NCOA3: variants seen among roughly 807,000 people sequenced by gnomAD.
The protein encoded by NCOA3 is nuclear receptor coactivator 3.
A neutral mutation model predicts 158.8 loss-of-function variants in NCOA3; 51 were observed. The observed-to-expected ratio is 0.32, with a 90% CI of 0.26 to 0.41. The LOEUF is 0.41. Ranked by LOEUF, NCOA3 falls within the 10% of genes least tolerant of loss-of-function variation. The pLI is 1.00. For synonymous variants in NCOA3, 537 were observed against 592.4 expected (o/e 0.91, Z 1.36); for missense variants, 1,510 against 1,746.6 (o/e 0.86, Z 2.41).
intron 1 of NCOA3, among the ~76,000 whole-genome samples, chr20:47,559,632 G>A (rs2085066975): frequency 6.6e-6 from 1 of 151,766 alleles, no homozygotes; most frequent in East Asian, 2.0e-4. Context: ...TGTAATCCCA[G>A]CACTTTGGGA....
At chr20:47,625,613 C>T (rs2086309496) in intron 5 of NCOA3, 132 bp downstream of exon 5, 1 of 660,414 alleles carries the variant, frequency 1.5e-6, no homozygotes, top group African/African-American at 1.8e-5. Context: ...TGAGACAGTT[C>T]AGTATTCTGA....
In NCOA3 at chr20:47,635,915, C is replaced by G; in HGVS notation, c.1529C>G (p.Ser510Cys). The G allele has an allele frequency of 1.2e-6, 2 of 1,613,618 alleles. No individual in the cohort carries two copies. Among genetic ancestry groups the G allele is most frequent in the Non-Finnish European group, 1.7e-6 (2 of 1,179,764 alleles). ...VAGVHSPMAS[S>C]GNTGNHSFSS... ...GGTGTGCACTCTCCCATGGCATCTT[C>G]TGGCAATACTGGGAACCACAGCTTT... Residue 510 changes from serine to cysteine, a missense_variant, in exon 12 of 23, where the codon TCT becomes TGT. Physicochemically the swap from Ser to Cys is moderately radical, Grantham distance 112. Coordinates refer to ENST00000371998, the MANE Select transcript of NCOA3 (RefSeq NM_181659.3).
rs770024913 is a variant in NCOA3, at chr20:47,637,675, G to T, written c.2404G>T (p.Ala802Ser). 1.2e-6 allele frequency: 2 copies of T among 1,608,808 alleles called. No homozygotes were observed. Among genetic ancestry groups the T allele is most frequent in the East Asian group, 4.5e-5 (2 of 44,674 alleles). Residue 802 changes from alanine (A) to serine (S), a missense_variant, in exon 13 of 23, where the codon GCT (alanine) becomes TCT (serine). By Grantham distance (99) the Ala-to-Ser change is moderately conservative (BLOSUM62 1). Around this residue, in one of 4 missense-constraint regions of NCOA3, gnomAD observed 1,017 missense variants for 1,098.3 expected, o/e 0.93. Coordinates refer to ENST00000371998, the MANE Select transcript of NCOA3 (RefSeq NM_181659.3). ...EGSGDLDNLDAILGDLTSSDF... is the reference protein window; with the variant it reads ...EGSGDLDNLDSILGDLTSSDF... ...ATCTGGAGACTTGGATAATCTAGAT[G>T]CTATTCTTGGTGATCTGACTAGTTC...
At chr20:47,547,540 G>T (rs900888934) in intron 1 of NCOA3, among the ~76,000 whole-genome samples, 3 of 151,888 alleles carry the variant, frequency 2.0e-5, no homozygotes, top group Admixed American at 6.6e-5. Flanking sequence ...AGCCTCCTGA[G>T]TAGCTGGGAC....
chr20:47,636,710 C>T lies in NCOA3; in HGVS notation c.2324C>T (p.Pro775Leu). 6.2e-7 allele frequency: 1 copy of T among 1,613,962 alleles called. No homozygotes were observed. The highest frequency in any genetic ancestry group is 8.5e-7 in the Non-Finnish European group (1 of 1,179,880). Residue 775 changes from proline to leucine, a missense_variant, in exon 12 of 23, where the codon CCT becomes CTT. Transcript: ENST00000371998. Reference protein sequence around the residue: ...KMSQCTSSTIPSSSQEKDPKI... With the variant: ...KMSQCTSSTILSSSQEKDPKI... ...AGTCAGTGCACCAGCTCCACCATTC[C>T]TAGCTCAAGTCAAGAGAAAGACCCT...
intron 1 of NCOA3, among the ~76,000 whole-genome samples, chr20:47,555,515 T>C (rs1664140496): frequency 6.6e-6 from 1 of 152,164 alleles, no homozygotes. Context: ...ATTTGGATTA[T>C]CTTCAATAAT....
chr20:47,651,407 T>C lies in NCOA3; in HGVS notation c.3946+131T>C, dbSNP rs1217937279. 8 of 1,396,766 alleles carry C rather than the reference T, an allele frequency of 5.7e-6. No homozygotes were observed. The East Asian group carries it at 2.0e-4, about 34-fold the overall frequency. 86.5% of individuals were successfully genotyped at this position (1,396,766 alleles called of 1,614,324 possible). On this transcript the variant is annotated intron_variant, in intron 20 of 22. Transcript: ENST00000371998. ...CTTTACTTCACAAGGAAAACCAAAT[T>C]AATTTAAATGATTGGAAAACAAAAA...
chr20:47,636,888 A>AT (rs2086524855), intron 12 of NCOA3, 126 bp downstream of exon 12: 2 of 889,820 alleles, frequency 2.2e-6, no homozygotes. Context: ...TCATTTCTTT[A>AT]TAATTATTTT....
In NCOA3 at chr20:47,514,277, T is replaced by C. The variant is rs541495784; in HGVS notation, c.-99+12258T>C. On this transcript the variant is annotated intron_variant, in intron 1 of 22. Transcript: ENST00000371998. ...AAGTAGAGGCAGAGATGGATTTAGG[T>C]CCATAACAGTTCTTCATAACCCAAT... is the stretch of plus-strand genomic sequence containing the variant. Among the ~76,000 whole-genome samples, 5 of 152,148 alleles carry C rather than the reference T, an allele frequency of 3.3e-5. No homozygotes were observed. In the South Asian group the frequency reaches 1.0e-3, roughly 32 times the overall value.
rs769368174 is a variant in NCOA3, at chr20:47,635,352, T to C, written c.1143T>C (p.Asn381=). 5 of 1,605,820 alleles carry C rather than the reference T, an allele frequency of 3.1e-6. No individual in the cohort carries two copies. The highest frequency in any genetic ancestry group is 4.3e-6 in the Non-Finnish European group (5 of 1,173,206). ...REQNGYRPNP[N]PVGQGIRPPM... is the part of the protein sequence containing the mutation. Reference sequence around the variant, plus strand: ...AGAATGGATATAGACCAAACCCAAATCCTGTTGGACAAGGGATTAGACCAC... The same window carrying C: ...AGAATGGATATAGACCAAACCCAAACCCTGTTGGACAAGGGATTAGACCAC... Residue 381 remains asparagine (N), a synonymous_variant, in exon 11 of 23, where the codon AAT becomes AAC. Transcript: ENST00000371998.
chr20:47,585,690 T>A (rs2085524726), intron 2 of NCOA3, among the ~76,000 whole-genome samples: 2 of 152,220 alleles, frequency 1.3e-5, no homozygotes, highest in Non-Finnish European at 2.9e-5. Context: ...TTAGCTAGAT[T>A]TTCCTAAATG....
Position 47,627,172 on chromosome 20 carries a change from T to G in NCOA3, c.528T>G (p.Ser176=). 6.3e-7 allele frequency: 1 copy of G among 1,597,572 alleles called. No individual in the cohort carries two copies. The highest frequency in any genetic ancestry group is 8.5e-7 in the Non-Finnish European group (1 of 1,171,636). The change falls in exon 6 of 23, where the codon TCT becomes TCG. Residue 176 remains serine, a synonymous_variant. Transcript: ENST00000371998. ...ATTTTCTTAAGAATTTACCAAAATCTACAGGTAGGCTTTTAATGTGTATTT... is the reference window on the plus strand; with the variant it reads ...ATTTTCTTAAGAATTTACCAAAATCGACAGGTAGGCTTTTAATGTGTATTT... ...RKDFLKNLPK[S]TVNGVSWTNE...
intron 10 of NCOA3, among the ~76,000 whole-genome samples, chr20:47,634,861 C>A (rs2086481531): frequency 1.3e-5 from 2 of 151,876 alleles, no homozygotes; most frequent in Admixed American, 6.6e-5. Context: ...TTAATTCATC[C>A]CATTTTTTTA....
intron 1 of NCOA3, among the ~76,000 whole-genome samples, chr20:47,537,939 G>C (rs533157694): frequency 6.6e-6 from 1 of 151,832 alleles, no homozygotes; most frequent in Non-Finnish European, 1.5e-5. Flanking sequence ...GAGTGAAGTG[G>C]CTCAATCTTG....
intron 1 of NCOA3, among the ~76,000 whole-genome samples, chr20:47,505,042 GT>G (rs1235999056): frequency 5.4e-4 from 28 of 52,082 alleles, no homozygotes; most frequent in African/African-American, 1.5e-3. Flanking sequence ...GGGCAGGGGC[GT>G]TTTTTTTTTT....
intron 2 of NCOA3, among the ~76,000 whole-genome samples, chr20:47,620,120 A>G (rs1473574088): frequency 6.6e-6 from 1 of 150,682 alleles, no homozygotes; most frequent in Admixed American, 6.6e-5. Flanking sequence ...TATTATTATT[A>G]TTGTTTTTAA....
chr20:47,602,481 C>G (rs1226450703), intron 2 of NCOA3, among the ~76,000 whole-genome samples: 1 of 152,164 alleles, frequency 6.6e-6, no homozygotes, highest in Non-Finnish European at 1.5e-5. Flanking sequence ...ATGTTGCCAA[C>G]TTGTTAATTA....
intron 2 of NCOA3, among the ~76,000 whole-genome samples, chr20:47,616,970 T>C (rs2086149802): frequency 6.6e-6 from 1 of 152,202 alleles, no homozygotes; most frequent in Non-Finnish European, 1.5e-5. Flanking sequence ...TTTTTTTCTT[T>C]TTTAGACGGA....
rs572195025 is a variant in NCOA3, at chr20:47,521,318, A to G, written c.-99+19299A>G. Among the ~76,000 whole-genome samples the G allele has an allele frequency of 2.0e-5, 3 of 152,316 alleles. No homozygotes were observed. The South Asian group carries it at 6.2e-4, about 32-fold the overall frequency. The stretch of plus-strand genomic sequence containing the variant: ...ATTTGTATAAAGTTTCGGTGCCACA[A>G]AAGAAATAGCACTCGAATATAAGAT... On this transcript the variant is annotated intron_variant, in intron 1 of 22. Coordinates refer to ENST00000371998, the MANE Select transcript of NCOA3 (RefSeq NM_181659.3).
Sources: allele counts gnomAD v4.1 joint callset (sites outside exome capture counted in the v4.1 genomes callset), GRCh38; gene constraint gnomAD v4.1.1; regional missense constraint gnomAD v4.1.1; transcripts MANE v1.5; gene names NCBI Gene and HGNC (gene_info 2026-07-23, HGNC 2026-07-21).